RASGRF1: variants seen among roughly 807,000 people sequenced by gnomAD.
The protein encoded by RASGRF1 is ras-specific guanine nucleotide-releasing factor 1.
Under a neutral mutation model 138.7 loss-of-function variants are expected in RASGRF1, and 40 were observed. The ratio of observed to expected loss-of-function variants is 0.29; its 90% CI spans 0.22 to 0.38. RASGRF1 has a LOEUF of 0.38. RASGRF1 is among the 10% of genes least tolerant of loss of function. The pLI is 1.00. For missense variants in RASGRF1, 1,108 were observed against 1,650.4 expected (o/e 0.67, Z 5.69); for synonymous variants, 614 against 663.2 (o/e 0.93, Z 1.14).
chr15:78,982,169 T>C (rs2056049391), intron 23 of RASGRF1, among the ~76,000 whole-genome samples: 1 of 152,170 alleles, frequency 6.6e-6, no homozygotes, highest in Non-Finnish European at 1.5e-5. Context: ...CCTAAGGCAA[T>C]ACTAGCTCAG....
chr15:79,081,322 T>C (rs1220396583), intron 1 of RASGRF1, among the ~76,000 whole-genome samples: 1 of 152,228 alleles, frequency 6.6e-6, no homozygotes, highest in Non-Finnish European at 1.5e-5. Flanking sequence ...AGACCTTTAG[T>C]GCTCATGGTA....
At chr15:79,003,562 G>A (rs1425580371) in intron 15 of RASGRF1, among the ~76,000 whole-genome samples, 1 of 152,254 alleles carries the variant, frequency 6.6e-6, no homozygotes, top group Non-Finnish European at 1.5e-5. Context: ...CATCTAAAGT[G>A]TGGCGATGCC....
chr15:79,003,812 G>A lies in RASGRF1; in HGVS notation c.2439C>T (p.Leu813=), dbSNP rs377380633. The A allele has an allele frequency of 3.8e-6, 6 of 1,593,636 alleles. 1 individual carries two copies. The African/African-American group carries it at 6.7e-5, about 18-fold the overall frequency. Reference sequence around the variant, plus strand: ...GGCATGGCCACTCACTCTGCTTGCTGAGCGCTGAAGGGTCTTCGGGCTTCT... The same window carrying A: ...GGCATGGCCACTCACTCTGCTTGCTAAGCGCTGAAGGGTCTTCGGGCTTCT... The part of the protein sequence containing the change: ...TPEKPEDPSA[L]SKQSSEVSMR... The change falls in exon 15 of 27, where the codon CTC becomes CTT. Residue 813 remains leucine (L), a synonymous_variant. Coordinates refer to ENST00000558480, the MANE Select transcript of RASGRF1 (RefSeq NM_001145648.3).
At chr15:79,042,989 G>A (rs183205634) in intron 5 of RASGRF1, among the ~76,000 whole-genome samples, 3 of 152,338 alleles carry the variant, frequency 2.0e-5, no homozygotes, top group Admixed American at 6.5e-5. Context: ...AGGCAGTCAT[G>A]TTCCAGCTCT....
chr15:78,989,558 TA>T (rs2056228136), intron 22 of RASGRF1, among the ~76,000 whole-genome samples: 1 of 152,118 alleles, frequency 6.6e-6, no homozygotes, highest in Non-Finnish European at 1.5e-5. Flanking sequence ...CTCCTAACAT[TA>T]AAGAGAATTA....
In RASGRF1 at chr15:79,001,690, G is replaced by A. The variant is rs954238746; in HGVS notation, c.2547C>T (p.Pro849=). Residue 849 remains proline (P), a synonymous_variant, in exon 16 of 27, where the codon CCC becomes CCT. Coordinates refer to ENST00000558480, the MANE Select transcript of RASGRF1 (RefSeq NM_001145648.3). ...ETSPTKSPTT[P]KSVKNKNSSE... is the part of the protein sequence containing the mutation. ...AAGAATTTTTGTTTTTGACTGATTT[G>A]GGTGTTGTTGGAGATTTAGTTGGTG... 1 of 1,611,964 alleles carries A rather than the reference G, an allele frequency of 6.2e-7. No homozygotes were observed. The highest frequency in any genetic ancestry group is 1.3e-5 in the African/African-American group (1 of 74,838).
intron 20 of RASGRF1, among the ~76,000 whole-genome samples, chr15:78,993,372 AG>A (rs1397726928): frequency 1.6e-5 from 2 of 127,736 alleles, no homozygotes; most frequent in East Asian, 5.0e-4. Context: ...TGGTGTGTGT[AG>A]TGTGTGTGTG....
intron 26 of RASGRF1, 106 bp from the exon 27 acceptor site, chr15:78,962,342 G>T: frequency 1.2e-6 from 1 of 824,264 alleles, no homozygotes; most frequent in Non-Finnish European, 1.9e-6. Flanking sequence ...ACTGTGGAGA[G>T]TCAGGTGGGC....
chr15:79,005,944 G>C (rs775785672), intron 14 of RASGRF1, among the ~76,000 whole-genome samples: 1 of 152,146 alleles, frequency 6.6e-6, no homozygotes, highest in Non-Finnish European at 1.5e-5. Flanking sequence ...GGCAGGTGGA[G>C]ATGGAAGCAG....
chr15:79,051,331 A>C (rs571074018), intron 3 of RASGRF1, among the ~76,000 whole-genome samples: 1 of 152,340 alleles, frequency 6.6e-6, no homozygotes, highest in African/African-American at 2.4e-5. Context: ...TATCTAACTG[A>C]GAAATAGTCA....
In RASGRF1 at chr15:79,032,765, C is replaced by T. The variant is rs530357081; in HGVS notation, c.959-449G>A. ...TTCAGGACACCAGTGTGAGGTCACC[C>T]CTTCTCCAGAGCTTCCTGTGGGGTC... On this transcript the variant is annotated intron_variant, in intron 6 of 26. Coordinates refer to ENST00000558480, the MANE Select transcript of RASGRF1 (RefSeq NM_001145648.3). The surrounding 1 kb of genome is among the most constrained non-coding windows in gnomAD (Gnocchi z 4.5). 8.5e-5 allele frequency among the ~76,000 whole-genome samples: 13 copies of T among 152,300 alleles called. No individual in the cohort carries two copies. Among genetic ancestry groups the T allele is most frequent in the Admixed American group, 6.5e-4 (10 of 15,306 alleles).
At chr15:78,978,305 A>G (rs2141614840) in intron 24 of RASGRF1, 1 of 153,260 alleles carries the variant, frequency 6.5e-6, no homozygotes, top group Middle Eastern at 3.4e-3. Context: ...GCTCGCTGCA[A>G]CTTCTGCCTC....
At position 79,059,983 on chromosome 15, in the gene RASGRF1, GACACACAGACACACACACACACACACA is replaced by G. The variant is rs2057579390; in HGVS notation, c.384-1529_384-1503del. On this transcript the variant is annotated intron_variant, in intron 2 of 26. Coordinates refer to ENST00000558480, the MANE Select transcript of RASGRF1 (RefSeq NM_001145648.3). ...ATACACTCACACACACACACACACA[GACACACAGACACACACACACACACACA>G]CACACACACACACACACACACGGTG... is the stretch of plus-strand genomic sequence containing the variant. 7.7e-4 allele frequency among the ~76,000 whole-genome samples: 6 copies of G among 7,784 alleles called. No homozygotes were observed. In the East Asian group the frequency reaches 0.054, roughly 69 times the overall value. The allele number at this position is 7,784 out of a possible 152,430, so 5.1% of individuals were successfully genotyped here.
chr15:79,050,096 TC>T lies in RASGRF1; in HGVS notation c.532-509del, dbSNP rs2057410277. Among the ~76,000 whole-genome samples the T allele has an allele frequency of 6.6e-6, 1 of 152,334 alleles. No individual in the cohort carries two copies. Among genetic ancestry groups the T allele is most frequent in the African/African-American group, 2.4e-5 (1 of 41,566 alleles). On this transcript the variant is annotated intron_variant, in intron 3 of 26. Coordinates refer to ENST00000558480, the MANE Select transcript of RASGRF1 (RefSeq NM_001145648.3). This position sits in a 1 kb window ranked among gnomAD's most constrained non-coding sequence, Gnocchi z 4.1. ...TGTGCAACCATCACCACCATTTACC[TC>T]CAGAACTCTTCATTTTGTAAAACTG...
Position 79,064,434 on chromosome 15 carries a change from G to A in RASGRF1, c.369C>T (p.Ala123=). 1 of 1,614,160 alleles carries A rather than the reference G, an allele frequency of 6.2e-7. No individual in the cohort carries two copies. The highest frequency in any genetic ancestry group is 8.5e-7 in the Non-Finnish European group (1 of 1,179,988). ...AGGAGACATACCTGGCATGTGCAAT[G>A]GCTGCCACCCATTCGTCACAATCTT... ...DAKDCDEWVA[A]IAHASYRTLA... is the part of the protein sequence containing the mutation. The change falls in exon 2 of 27, where the codon GCC becomes GCT. Residue 123 remains alanine, a synonymous_variant. Coordinates refer to ENST00000558480, the MANE Select transcript of RASGRF1 (RefSeq NM_001145648.3).
chr15:79,086,736 T>G (rs2141113049), intron 1 of RASGRF1, among the ~76,000 whole-genome samples: 1 of 152,284 alleles, frequency 6.6e-6, no homozygotes, highest in African/African-American at 2.4e-5. Flanking sequence ...GTGCTGGAGT[T>G]GGTTTGGCTG....
Position 79,064,469 on chromosome 15 carries a change from C to G in RASGRF1, c.334G>C (p.Glu112Gln), listed in dbSNP as rs2057649908. The change falls in exon 2 of 27, where the codon GAG becomes CAG. Residue 112 changes from glutamate (E) to glutamine (Q), a missense_variant. Glu to Gln is a conservative substitution (Grantham distance 29). Transcript: ENST00000558480. ...ENQKALELRT[E>Q]DAKDCDEWVA... ...CATTCGTCACAATCTTTTGCGTCCT[C>G]TGTCCTCAGCTCCAAGGCTTTCTGG... The G allele has an allele frequency of 6.2e-7, 1 of 1,614,106 alleles. No individual in the cohort carries two copies. Among genetic ancestry groups the G allele is most frequent in the African/African-American group, 1.3e-5 (1 of 74,934 alleles).
intron 1 of RASGRF1, among the ~76,000 whole-genome samples, chr15:79,089,418 A>C (rs1235873376): frequency 2.0e-5 from 3 of 152,058 alleles, no homozygotes; most frequent in African/African-American, 7.2e-5. Context: ...GCTCCCTGTT[A>C]GAGCCAGGCC....
intron 12 of RASGRF1, among the ~76,000 whole-genome samples, chr15:79,016,491 G>C (rs1004372060): frequency 6.6e-6 from 1 of 152,184 alleles, no homozygotes; most frequent in African/African-American, 2.4e-5. Flanking sequence ...GGGGCCAGAG[G>C]ACTCCCACCT....
Sources: gnomAD v4.1 joint callset for allele counts (sites outside exome capture counted in the v4.1 genomes callset) on GRCh38, gnomAD v4.1.1 for gene constraint, Gnocchi (gnomAD v3.1) non-coding constraint, MANE v1.5 for transcripts, NCBI Gene and HGNC (gene_info 2026-07-23, HGNC 2026-07-21) for gene names.